Variants in ADH4 observed in about 807,000 individuals in gnomAD.
ADH4 encodes alcohol dehydrogenase 4 (class II), pi polypeptide.
A neutral mutation model predicts 35.2 loss-of-function variants in ADH4; 31 were observed. The ratio of observed to expected loss-of-function variants is 0.88; its 90% CI spans 0.66 to 1.19. ADH4 has a LOEUF of 1.19. ADH4 is among the 50% of genes most tolerant of loss of function. ADH4 has a pLI of 0.00. For missense variants in ADH4, 476 were observed against 458.3 expected, an observed-to-expected ratio of 1.04 and a Z score of -0.35; for synonymous variants, 171 against 160.2, an observed-to-expected ratio of 1.07 and a Z score of -0.51.
At chr4:99,125,640 C>T (rs552631704) in intron 8 of ADH4, among the ~76,000 whole-genome samples, 8 of 152,158 alleles carry the variant, frequency 5.3e-5, no homozygotes, top group African/African-American at 1.9e-4. Flanking sequence ...AAAAATAATG[C>T]TTGTATTTTC....
chr4:99,125,388 C>T (rs953627130), intron 8 of ADH4, among the ~76,000 whole-genome samples: 1 of 152,194 alleles, frequency 6.6e-6, no homozygotes, highest in African/African-American at 2.4e-5. Context: ...ATGTGGGAGA[C>T]TTGCCCATAA....
In ADH4 at chr4:99,141,588, G is replaced by A. The variant is rs756942645; in HGVS notation, c.215C>T (p.Ala72Val). The A allele has an allele frequency of 9.3e-6, 15 of 1,613,858 alleles. No individual in the cohort carries two copies. Among genetic ancestry groups the A allele is most frequent in the Non-Finnish European group, 1.3e-5 (15 of 1,179,990 alleles). Residue 72 changes from alanine to valine, a missense_variant, in exon 3 of 9, where the codon GCA (alanine) becomes GTA (valine). Coordinates refer to ENST00000265512, the MANE Select transcript of ADH4 (RefSeq NM_000670.5). ...AFPVIVGHEAAGIVESIGPGV... is the reference protein window; with the variant it reads ...AFPVIVGHEAVGIVESIGPGV... ...TGGCCCAATACTTTCCACAATACCT[G>A]CAGCCTCATGGCCAACGATCACTGG...
intron 1 of ADH4, chr4:99,143,231 G>C: frequency 1.4e-6 from 1 of 701,944 alleles, no homozygotes; most frequent in Non-Finnish European, 2.6e-6. Context: ...TGTGGTCCTC[G>C]GACAAGCATT....
At position 99,123,966 on chromosome 4, in the gene ADH4, C is replaced by T. The variant is rs902506804; in HGVS notation, c.*476G>A. 15 of 159,440 alleles carry T rather than the reference C, an allele frequency of 9.4e-5. No homozygotes were observed. Among genetic ancestry groups the T allele is most frequent in the South Asian group, 1.9e-4 (1 of 5,302 alleles). The allele number at this position is 159,440 out of a possible 1,614,324, so 9.9% of individuals were successfully genotyped here. On this transcript the variant is annotated 3_prime_UTR_variant, in exon 9 of 9. Coordinates refer to ENST00000265512, the MANE Select transcript of ADH4 (RefSeq NM_000670.5). ...ATTCTTCCTGATGCTCTCTCTCTGC[C>T]GACTCCCTGCCCTCAACAGGCCCCA... is the stretch of plus-strand genomic sequence containing the variant.
chr4:99,126,832 T>C, intron 7 of ADH4, 100 bp from the exon 8 acceptor site: 2 of 1,235,716 alleles, frequency 1.6e-6, no homozygotes, highest in South Asian at 1.9e-5. Flanking sequence ...TCAGATTTGG[T>C]TTGCTTCAAA....
At chr4:99,131,465 A>G (rs1729267630) in intron 6 of ADH4, 39 bp downstream of exon 6, 1 of 1,593,528 alleles carries the variant, frequency 6.3e-7, no homozygotes, top group Non-Finnish European at 8.5e-7. Flanking sequence ...CAGCCAAAGA[A>G]TACATTGAAA....
intron 3 of ADH4, among the ~76,000 whole-genome samples, chr4:99,139,522 G>T (rs1254770848): frequency 6.6e-6 from 1 of 152,054 alleles, no homozygotes; most frequent in African/African-American, 2.4e-5. Flanking sequence ...TATAGGCTAG[G>T]TATAAACTTT....
chr4:99,136,442 A>C (rs777997508), intron 5 of ADH4, 24 bp downstream of exon 5: 2 of 1,595,860 alleles, frequency 1.3e-6, no homozygotes. Flanking sequence ...TCTGTTTTAC[A>C]CAAACTGGTG....
At chr4:99,138,973 C>T in intron 4 of ADH4, 88 bp downstream of exon 4, 2 of 929,160 alleles carry the variant, frequency 2.2e-6, no homozygotes, top group Non-Finnish European at 3.3e-6. Flanking sequence ...AAGGTTTGCA[C>T]CTCTTCAAGG....
At chr4:99,126,481 C>T in intron 8 of ADH4, 113 bp downstream of exon 8, 1 of 1,068,816 alleles carries the variant, frequency 9.4e-7, no homozygotes, top group Non-Finnish European at 1.3e-6. Context: ...CATCTAGTAC[C>T]TGGGATGTGG....
At chr4:99,137,020 G>T (rs1013520082) in intron 4 of ADH4, among the ~76,000 whole-genome samples, 2 of 151,872 alleles carry the variant, frequency 1.3e-5, no homozygotes, top group African/African-American at 4.8e-5. Flanking sequence ...CACAATCTCC[G>T]TTCACCGCAA....
chr4:99,128,608 ATAAT>A (rs1286411007), intron 6 of ADH4, among the ~76,000 whole-genome samples: 1 of 151,386 alleles, frequency 6.6e-6, no homozygotes, highest in Non-Finnish European at 1.5e-5. Flanking sequence ...TTTAAATTAA[ATAAT>A]AAATGCTGGA....
intron 5 of ADH4, among the ~76,000 whole-genome samples, chr4:99,134,511 T>C (rs1484270073): frequency 6.6e-6 from 1 of 151,680 alleles, no homozygotes; most frequent in African/African-American, 2.4e-5. Context: ...AGGACTGGAG[T>C]AGTAGAAGAG....
chr4:99,144,090 T>C, intron 1 of ADH4, 115 bp downstream of exon 1: 1 of 1,255,284 alleles, frequency 8.0e-7, no homozygotes. Context: ...ACTCATATCC[T>C]TTTGATCAAC....
At chr4:99,137,120 T>TGTA in intron 4 of ADH4, among the ~76,000 whole-genome samples, 1 of 76,998 alleles carries the variant, frequency 1.3e-5, no homozygotes, top group Non-Finnish European at 2.9e-5. Flanking sequence ...TGGCTAATTT[T>TGTA]GTATTATTAT....
chr4:99,125,480 G>T (rs1729058558), intron 8 of ADH4, among the ~76,000 whole-genome samples: 1 of 152,190 alleles, frequency 6.6e-6, no homozygotes, highest in African/African-American at 2.4e-5. Context: ...AGGAGAAAAG[G>T]TTTGTGTTCG....
rs29001182 is a variant in ADH4, at chr4:99,135,566, G to T, written c.582+900C>A. Among the ~76,000 whole-genome samples the T allele has an allele frequency of 3.0e-3, 456 of 152,252 alleles. 7 individuals carry two copies. The highest frequency in any genetic ancestry group is 0.011 in the African/African-American group (438 of 41,536). ...GGGCAGTCTTCTCTGCATTGTTGCT[G>T]GAAGCCAAGTGTGGAAAGCCCAGAG... On this transcript the variant is annotated intron_variant, in intron 5 of 8. Transcript: ENST00000265512.
chr4:99,133,905 T>C (rs1458054846), intron 5 of ADH4: 1 of 152,230 alleles, frequency 6.6e-6, no homozygotes, highest in African/African-American at 2.4e-5. Context: ...TGCACACCTC[T>C]GGCTTTTGCT....
At chr4:99,141,821 A>T in intron 2 of ADH4, 139 bp from the exon 3 acceptor site, 1 of 762,392 alleles carries the variant, frequency 1.3e-6, no homozygotes. Context: ...CCTTTTGAAA[A>T]AAGAACCAAT....
Sources: allele counts gnomAD v4.1 joint callset (sites outside exome capture counted in the v4.1 genomes callset), GRCh38; gene constraint gnomAD v4.1.1; transcripts MANE v1.5; gene names NCBI Gene and HGNC (gene_info 2026-07-23, HGNC 2026-07-21).